RBAK: variants seen among roughly 807,000 people sequenced by gnomAD.
RBAK encodes the protein RB-associated KRAB zinc finger protein.
Under a neutral mutation model 65.8 loss-of-function variants are expected in RBAK, and 39 were observed. That is an observed-to-expected ratio of 0.59 (90% CI 0.46 to 0.77). RBAK has a LOEUF of 0.77. RBAK is among the 30% of genes least tolerant of loss of function. RBAK has a pLI of 0.00. For missense variants in RBAK, 884 were observed against 855.1 expected (o/e 1.03, Z -0.42); for synonymous variants, 343 against 289.7 (o/e 1.18, Z -1.87).
In RBAK at chr7:5,064,756, T is replaced by G; in HGVS notation, c.1300T>G (p.Cys434Gly). 1 of 1,613,998 alleles carries G rather than the reference T, an allele frequency of 6.2e-7. No homozygotes were observed. The highest frequency in any genetic ancestry group is 8.5e-7 in the Non-Finnish European group (1 of 1,179,946). The change falls in exon 5 of 5, where the codon TGT becomes GGT. Residue 434 changes from cysteine (C) to glycine (G), a missense_variant. Transcript: ENST00000396912. The surrounding 1 kb of genome is among the most constrained non-coding windows in gnomAD (Gnocchi z 6.3). ...TGEKPYQCSECGKFFSRVSYL... is the reference protein window; with the variant it reads ...TGEKPYQCSEGGKFFSRVSYL... ...AGAGAAGCCCTATCAGTGTAGCGAG[T>G]GTGGGAAATTCTTTTCTCGGGTGTC...
chr7:5,061,091 T>C lies in RBAK; in HGVS notation c.239-2604T>C, dbSNP rs116518231. 5.9e-3 allele frequency among the ~76,000 whole-genome samples: 897 copies of C among 152,254 alleles called. 4 individuals carry two copies. Among genetic ancestry groups the C allele is most frequent in the African/African-American group, 0.02 (842 of 41,556 alleles). The stretch of plus-strand genomic sequence containing the variant: ...GTTTTAGGAAATTTAAGTCAGCAAA[T>C]TGAAAGAAAATTAATGGCTCAACTT... On this transcript the variant is annotated intron_variant, in intron 4 of 4. Transcript: ENST00000396912.
chr7:5,047,912 A>T, intron 1 of RBAK, 121 bp from the exon 2 acceptor site: 1 of 532,648 alleles, frequency 1.9e-6, no homozygotes, highest in Non-Finnish European at 3.3e-6. Flanking sequence ...GAGTGTTTGC[A>T]GGCTGAGTGT....
intron 4 of RBAK, among the ~76,000 whole-genome samples, chr7:5,063,455 C>G (rs1281319376): frequency 2.0e-5 from 3 of 149,974 alleles, no homozygotes; most frequent in Non-Finnish European, 4.4e-5. Context: ...TTTTCTACCA[C>G]TGTCTCACCT....
At position 5,057,319 on chromosome 7, in the gene RBAK, G is replaced by T; in HGVS notation, c.40G>T (p.Ala14Ser). ...LQGPVSFKDV[A>S]VDFTQEEWQQ... ...GGGGCCAGTGTCATTCAAAGATGTG[G>T]CTGTGGATTTCACCCAGGAGGAGTG... is the stretch of plus-strand genomic sequence containing the variant. The change falls in exon 3 of 5, where the codon GCT becomes TCT. Residue 14 changes from alanine to serine, a missense_variant. By Grantham distance (99) the Ala-to-Ser change is moderately conservative (BLOSUM62 1). Transcript: ENST00000396912. The T allele has an allele frequency of 6.2e-7, 1 of 1,613,972 alleles. No homozygotes were observed.
At chr7:5,062,763 A>G (rs961887615) in intron 4 of RBAK, among the ~76,000 whole-genome samples, 1 of 152,214 alleles carries the variant, frequency 6.6e-6, no homozygotes, top group East Asian at 1.9e-4. Context: ...GCCCACCCCT[A>G]GGCGCATATT....
chr7:5,066,117 T>C lies in RBAK; in HGVS notation c.*516T>C, dbSNP rs1244570697. Reference sequence around the variant, plus strand: ...ATAAGTATATGGCCGTTTTTTATCATGTCTTAAAAATGCAATCTAATGGTA... The same window carrying C: ...ATAAGTATATGGCCGTTTTTTATCACGTCTTAAAAATGCAATCTAATGGTA... On this transcript the variant is annotated 3_prime_UTR_variant, in exon 5 of 5. Transcript: ENST00000396912. The C allele has an allele frequency of 6.6e-6, 1 of 152,584 alleles. No homozygotes were observed. Among genetic ancestry groups the C allele is most frequent in the Non-Finnish European group, 1.5e-5 (1 of 68,008 alleles). 9.5% of individuals were successfully genotyped at this position (152,584 alleles called of 1,614,324 possible).
intron 2 of RBAK, among the ~76,000 whole-genome samples, chr7:5,050,027 T>G (rs982191771): frequency 6.6e-6 from 1 of 152,144 alleles, no homozygotes; most frequent in Non-Finnish European, 1.5e-5. Context: ...CCTAGAGATG[T>G]ATTCCCACTG....
At position 5,046,342 on chromosome 7, in the gene RBAK, G is replaced by T. The variant is rs771989323; in HGVS notation, c.-99G>T. The T allele has an allele frequency of 9.7e-6, 5 of 515,254 alleles. No homozygotes were observed. In the Admixed American group the frequency reaches 9.7e-5, roughly 10 times the overall value. 31.9% of individuals were successfully genotyped at this position (515,254 alleles called of 1,614,324 possible). On this transcript the variant is annotated 5_prime_UTR_variant, in exon 1 of 5. Coordinates refer to ENST00000396912, the MANE Select transcript of RBAK (RefSeq NM_021163.4). ...GAGCAGACGCGCGCCAGCGACAGCA[G>T]CCCCGCCCCGGCCTCTCGGGAGCCG...
At chr7:5,058,619 T>G (rs1778989162) in intron 4 of RBAK, among the ~76,000 whole-genome samples, 1 of 152,190 alleles carries the variant, frequency 6.6e-6, no homozygotes, top group Non-Finnish European at 1.5e-5. Context: ...CATGCTCAGT[T>G]GATGTGACGC....
At chr7:5,054,125 GCC>G (rs1788172888) in intron 2 of RBAK, among the ~76,000 whole-genome samples, 2 of 152,180 alleles carry the variant, frequency 1.3e-5, no homozygotes, top group South Asian at 4.2e-4. Context: ...CATTGCTTCA[GCC>G]CGGGCGTGGT....
chr7:5,050,037 G>C (rs1788081941), intron 2 of RBAK, among the ~76,000 whole-genome samples: 1 of 152,080 alleles, frequency 6.6e-6, no homozygotes, highest in South Asian at 2.1e-4. Context: ...TATTCCCACT[G>C]TATTGCTCAG....
chr7:5,047,278 G>T (rs1788009658), intron 1 of RBAK, among the ~76,000 whole-genome samples: 1 of 152,036 alleles, frequency 6.6e-6, no homozygotes, highest in South Asian at 2.1e-4. Flanking sequence ...ATGCACCTGT[G>T]GTCCCAGCTA....
rs1377715599 is a variant in RBAK at position 5,064,707 on chromosome 7, T to A, written c.1251T>A (p.Ile417=). 4.3e-6 allele frequency: 7 copies of A among 1,612,350 alleles called. No homozygotes were observed. The South Asian group carries it at 7.7e-5, about 18-fold the overall frequency. ...GKSYYRKSTL[I]THQRTHTGEK... is the part of the protein sequence containing the mutation. ...CCTACTACCGAAAGTCTACTCTGAT[T>A]ACACATCAGAGAACACACACGGGAG... is the stretch of plus-strand genomic sequence containing the variant. The change falls in exon 5 of 5, where the codon ATT becomes ATA. Residue 417 remains isoleucine, a synonymous_variant. Coordinates refer to ENST00000396912, the MANE Select transcript of RBAK (RefSeq NM_021163.4). This position sits in a 1 kb window ranked among gnomAD's most constrained non-coding sequence, Gnocchi z 6.3.
In RBAK at chr7:5,047,599, C is replaced by CTTT. The variant is rs1788018827; in HGVS notation, c.-44-433_-44-432insTTT. 2.2e-5 allele frequency among the ~76,000 whole-genome samples: 3 copies of CTTT among 138,118 alleles called. No individual in the cohort carries two copies. In the South Asian group the frequency reaches 6.9e-4, roughly 32 times the overall value. The allele number at this position is 138,118 out of a possible 152,430, so 90.6% of individuals were successfully genotyped here. On this transcript the variant is annotated intron_variant, in intron 1 of 4. Transcript: ENST00000396912. ...GCTTCGCCTATCACTCTTTTTCACT[C>CTTT]TCTTTTTTTTTTTTTTTTTTTTTTT...
rs1398134634 is a variant in RBAK at position 5,065,073 on chromosome 7, T to C, written c.1617T>C (p.Tyr539=). 2 of 1,613,982 alleles carry C rather than the reference T, an allele frequency of 1.2e-6. No individual in the cohort carries two copies. The highest frequency in any genetic ancestry group is 3.3e-5 in the Admixed American group (2 of 60,012). Residue 539 remains tyrosine (Y), a synonymous_variant, in exon 5 of 5, where the codon TAT becomes TAC. Coordinates refer to ENST00000396912, the MANE Select transcript of RBAK (RefSeq NM_021163.4). This position sits in a 1 kb window ranked among gnomAD's most constrained non-coding sequence, Gnocchi z 5.3. ...CACTTCCAAAAGGGGAGAAATCCTA[T>C]GAATGTAATGTATGTGGAAAGTTAT... ...HQPLPKGEKS[Y]ECNVCGKLFN...
At chr7:5,059,179 G>A (rs976061529) in intron 4 of RBAK, among the ~76,000 whole-genome samples, 19 of 152,190 alleles carry the variant, frequency 1.2e-4, no homozygotes, top group African/African-American at 4.6e-4. Context: ...TTCGTGTTCA[G>A]TATTCTCCCA....
intron 4 of RBAK, among the ~76,000 whole-genome samples, chr7:5,061,793 G>A (rs1373010082): frequency 2.0e-5 from 3 of 151,850 alleles, no homozygotes; most frequent in Non-Finnish European, 4.4e-5. Context: ...AGCTACTTGG[G>A]AGGCTGAGGC....
intron 2 of RBAK, among the ~76,000 whole-genome samples, chr7:5,056,083 G>A (rs1223348427): frequency 6.6e-6 from 1 of 150,588 alleles, no homozygotes; most frequent in African/African-American, 2.4e-5. Flanking sequence ...GATTGCTGGA[G>A]CCCAGGAGTT....
At position 5,064,530 on chromosome 7, in the gene RBAK, A is replaced by G. The variant is rs1779165756; in HGVS notation, c.1074A>G (p.Thr358=). The change falls in exon 5 of 5, where the codon ACA becomes ACG. Residue 358 remains threonine (T), a synonymous_variant. Transcript: ENST00000396912. The surrounding 1 kb of genome is among the most constrained non-coding windows in gnomAD (Gnocchi z 6.3). ...SECGKTFCQK[T]HLTLHQRNHS... Reference sequence around the variant, plus strand: ...GTGGGAAAACCTTCTGCCAAAAGACACATCTCACCCTGCACCAGAGGAATC... The same window carrying G: ...GTGGGAAAACCTTCTGCCAAAAGACGCATCTCACCCTGCACCAGAGGAATC... The G allele has an allele frequency of 1.2e-6, 2 of 1,613,980 alleles. No homozygotes were observed. Among genetic ancestry groups the G allele is most frequent in the African/African-American group, 1.3e-5 (1 of 75,040 alleles).
Sources: gnomAD v4.1 joint callset for allele counts (sites outside exome capture counted in the v4.1 genomes callset) on GRCh38, gnomAD v4.1.1 for gene constraint, Gnocchi (gnomAD v3.1) non-coding constraint, MANE v1.5 for transcripts, NCBI Gene and HGNC (gene_info 2026-07-23, HGNC 2026-07-21) for gene names.